The following CDKL1 variants were observed in gnomAD, a reference collection of about 807,000 sequenced individuals.
The protein encoded by CDKL1 is cyclin-dependent kinase-like 1.
CDKL1 carries 41 observed loss-of-function variants against 42.0 expected under a neutral mutation model. The observed-to-expected ratio is 0.98, with a 90% confidence interval of 0.76 to 1.27. The LOEUF is 1.27. CDKL1 is among the 50% of genes most tolerant of loss of function. The pLI is 0.00. For synonymous variants in CDKL1, 153 were observed against 158.6 expected (o/e 0.96, Z 0.26); for missense variants, 394 against 428.4 (o/e 0.92, Z 0.71).
At chr14:50,364,714 C>T (rs772078666) in intron 2 of CDKL1, among the ~76,000 whole-genome samples, 12 of 152,156 alleles carry the variant, frequency 7.9e-5, no homozygotes, top group Non-Finnish European at 1.5e-4. Context: ...CACACAGGCA[C>T]ATACAACAGG....
At chr14:50,337,675 T>G (rs2033352167) in intron 7 of CDKL1, among the ~76,000 whole-genome samples, 1 of 129,878 alleles carries the variant, frequency 7.7e-6, no homozygotes, top group Non-Finnish European at 1.7e-5. Flanking sequence ...TTTCTTTTTT[T>G]TCTTTCTTTT....
chr14:50,380,272 C>G (rs1216810708), intron 2 of CDKL1: 1 of 526,696 alleles, frequency 1.9e-6, no homozygotes, highest in African/African-American at 1.9e-5. Context: ...GTACCACCAT[C>G]AAAGACTTAG....
chr14:50,371,713 G>A (rs2034596169), intron 2 of CDKL1, among the ~76,000 whole-genome samples: 1 of 152,326 alleles, frequency 6.6e-6, no homozygotes, highest in East Asian at 1.9e-4. Flanking sequence ...CAGGTTGGAG[G>A]GGCAGGAGCC....
At chr14:50,358,382 T>C (rs1452363748) in intron 3 of CDKL1, among the ~76,000 whole-genome samples, 10 of 152,188 alleles carry the variant, frequency 6.6e-5, no homozygotes, top group Non-Finnish European at 1.0e-4. Flanking sequence ...GAATCTTCCT[T>C]TCAATCTCCA....
rs200760333 is a variant in CDKL1 at position 50,395,871 on chromosome 14, T to C, written c.-3A>G. ...CCAATTTTTTCATACTTCTCCATCA[T>C]AGAGGAATAAATCTTCTTAAAATGG... On this transcript the variant is annotated 5_prime_UTR_variant, in exon 2 of 10. It removes an upstream start codon present in the reference 5' UTR. Coordinates refer to ENST00000395834, the MANE Select transcript of CDKL1 (RefSeq NM_004196.7). 90 of 1,611,648 alleles carry C rather than the reference T, an allele frequency of 5.6e-5. No individual in the cohort carries two copies. Among genetic ancestry groups the C allele is most frequent in the South Asian group, 1.1e-5 (1 of 91,032 alleles).
At chr14:50,356,748 C>A (rs2034069666) in intron 3 of CDKL1, among the ~76,000 whole-genome samples, 1 of 152,156 alleles carries the variant, frequency 6.6e-6, no homozygotes, top group African/African-American at 2.4e-5. Context: ...TTATATTTGG[C>A]AAATCATAGC....
intron 2 of CDKL1, among the ~76,000 whole-genome samples, chr14:50,385,849 T>C (rs2139531821): frequency 7.0e-6 from 1 of 143,188 alleles, no homozygotes; most frequent in Middle Eastern, 3.8e-3. Context: ...AGTCACTGAA[T>C]AGATCCTGGA....
Position 50,341,213 on chromosome 14 carries a change from A to G in CDKL1, c.474T>C (p.Tyr158=), listed in dbSNP as rs369350174. The part of the protein sequence containing the change: ...ARLLTGPSDY[Y]TDYVATRWYR... ...ACCACCTGGTAGCCACGTAGTCTGTATAGTAGTCACTCGGTCCAGCTAGCC... is the reference window on the plus strand; with the variant it reads ...ACCACCTGGTAGCCACGTAGTCTGTGTAGTAGTCACTCGGTCCAGCTAGCC... Residue 158 remains tyrosine, a synonymous_variant, in exon 6 of 10, where the codon TAT becomes TAC. Transcript: ENST00000395834. 9.3e-6 allele frequency: 15 copies of G among 1,608,810 alleles called. No individual in the cohort carries two copies. In the African/African-American group the frequency reaches 1.1e-4, roughly 11 times the overall value.
At chr14:50,341,456 T>TGGGGGGGG (rs10598932) in intron 5 of CDKL1, among the ~76,000 whole-genome samples, 1 of 71,632 alleles carries the variant, frequency 1.4e-5, no homozygotes, top group Non-Finnish European at 3.2e-5. Context: ...GGGGAGGGTC[T>TGGGGGGGG]GGGGGGGGGG....
At chr14:50,356,239 C>A (rs1210132274) in intron 3 of CDKL1, among the ~76,000 whole-genome samples, 1 of 152,138 alleles carries the variant, frequency 6.6e-6, no homozygotes, top group South Asian at 2.1e-4. Flanking sequence ...CCCTAAGGTA[C>A]TTGATTATCA....
At position 50,341,266 on chromosome 14, in the gene CDKL1, A is replaced by G. The variant is rs374732709; in HGVS notation, c.455-34T>C. 1.9e-6 allele frequency: 3 copies of G among 1,555,132 alleles called. No individual in the cohort carries two copies. The African/African-American group carries it at 4.1e-5, about 21-fold the overall frequency. ...TGATGGAACATGGAAAACAAACAGC[A>G]GCGGAAGGCTGGAATCAAAACTGAG... is the stretch of plus-strand genomic sequence containing the variant. On this transcript the variant is annotated intron_variant, in intron 5 of 9. Transcript: ENST00000395834.
At chr14:50,388,300 T>A (rs1280066828) in intron 2 of CDKL1, among the ~76,000 whole-genome samples, 2 of 152,240 alleles carry the variant, frequency 1.3e-5, no homozygotes, top group African/African-American at 4.8e-5. Context: ...ATTTACATGG[T>A]ACTCTTAGCA....
intron 7 of CDKL1, chr14:50,336,041 T>C: frequency 7.3e-7 from 1 of 1,366,536 alleles, no homozygotes; most frequent in Non-Finnish European, 9.8e-7. Flanking sequence ...GTCGGTTGAA[T>C]CTGAGCATCA....
chr14:50,338,513 G>A (rs2033391468), intron 7 of CDKL1, among the ~76,000 whole-genome samples: 1 of 152,138 alleles, frequency 6.6e-6, no homozygotes, highest in South Asian at 2.1e-4. Flanking sequence ...GGATTATAGC[G>A]TGAACCATTG....
At chr14:50,385,718 C>T (rs907215869) in intron 2 of CDKL1, among the ~76,000 whole-genome samples, 11 of 150,354 alleles carry the variant, frequency 7.3e-5, no homozygotes, top group African/African-American at 2.7e-4. Context: ...GCACGAGAAT[C>T]GCTTGAGCCC....
intron 7 of CDKL1, chr14:50,335,532 T>C: frequency 6.5e-7 from 1 of 1,536,050 alleles, no homozygotes; most frequent in Non-Finnish European, 8.7e-7. Flanking sequence ...TTTGCGCCAG[T>C]CACGTGCTGG....
chr14:50,361,357 A>G (rs756962298), intron 2 of CDKL1, among the ~76,000 whole-genome samples: 7 of 152,236 alleles, frequency 4.6e-5, no homozygotes, highest in Non-Finnish European at 1.0e-4. Flanking sequence ...ATACTTGATG[A>G]ACAAGTATAA....
intron 3 of CDKL1, among the ~76,000 whole-genome samples, chr14:50,351,589 G>T (rs2033902783): frequency 6.6e-6 from 1 of 151,966 alleles, no homozygotes; most frequent in African/African-American, 2.4e-5. Flanking sequence ...CAAAAAATTA[G>T]CCAAGCGTGG....
chr14:50,360,029 C>T (rs1043021515), intron 2 of CDKL1, among the ~76,000 whole-genome samples: 2 of 152,152 alleles, frequency 1.3e-5, no homozygotes, highest in Non-Finnish European at 2.9e-5. Flanking sequence ...CATTCACTAT[C>T]AGATCACAAT....
Sources: allele counts gnomAD v4.1 joint callset (sites outside exome capture counted in the v4.1 genomes callset), GRCh38; gene constraint gnomAD v4.1.1; transcripts MANE v1.5; gene names NCBI Gene and HGNC (gene_info 2026-07-23, HGNC 2026-07-21).